Variants in PDS5A observed in about 807,000 individuals in gnomAD.
PDS5A encodes PDS5 cohesin associated factor A.
Under a neutral mutation model 167.1 loss-of-function variants are expected in PDS5A, and 42 were observed. That is an observed-to-expected ratio of 0.25 (90% CI 0.20 to 0.33). The LOEUF is 0.33. Ranked by LOEUF, PDS5A falls within the 10% of genes least tolerant of loss-of-function variation. The pLI, the probability that PDS5A is intolerant of heterozygous loss-of-function variation, is 1.00. For missense variants in PDS5A, 1,033 were observed against 1,605.9 expected (o/e 0.64, Z 6.10); for synonymous variants, 553 against 554.6 (o/e 1.00, Z 0.04).
chr4:39,893,703 T>C (rs1394247330), intron 16 of PDS5A, among the ~76,000 whole-genome samples: 3 of 152,230 alleles, frequency 2.0e-5, no homozygotes, highest in Non-Finnish European at 4.4e-5. Context: ...ATAAAGGTAC[T>C]CTAGCAGAGG....
Position 39,873,091 on chromosome 4 carries a change from TA to T in PDS5A, c.2330del (p.Leu777Ter). 1 of 1,545,178 alleles carries T rather than the reference TA, an allele frequency of 6.5e-7. No homozygotes were observed. Among genetic ancestry groups the T allele is most frequent in the Non-Finnish European group, 8.8e-7 (1 of 1,133,042 alleles). On this transcript the variant is annotated frameshift_variant, in exon 21 of 33. Transcript: ENST00000303538. LOFTEE classifies it high-confidence loss of function. ...ACATAGAAATGTGGCCCAATGAAAC[TA>T]ATGGAGTTATAAGTTGTTCTGGCAC... ...ADVPEQLITP[L>X]VSLGHISMLA...
In PDS5A at chr4:39,917,038, T is replaced by C. The variant is rs761888658; in HGVS notation, c.876+10A>G. 9.6e-5 allele frequency: 135 copies of C among 1,411,676 alleles called. No individual in the cohort carries two copies. Among genetic ancestry groups the C allele is most frequent in the Non-Finnish European group, 1.2e-4 (133 of 1,077,238 alleles). The allele number at this position is 1,411,676 out of a possible 1,614,324, so 87.4% of individuals were successfully genotyped here. A position where few individuals can be genotyped will look rare whatever the true frequency, so the allele number is the denominator to read the frequency against. ...ATTAAAAAAAAAAAAAGAAAACTGGTCAATCTTACCTTTAGTTTGAATTCA... is the reference window on the plus strand; with the variant it reads ...ATTAAAAAAAAAAAAAGAAAACTGGCCAATCTTACCTTTAGTTTGAATTCA... On this transcript the variant is annotated intron_variant, in intron 8 of 32. Coordinates refer to ENST00000303538, the MANE Select transcript of PDS5A (RefSeq NM_001100399.2).
At chr4:39,883,012 T>A (rs956746574) in intron 17 of PDS5A, among the ~76,000 whole-genome samples, 18 of 152,166 alleles carry the variant, frequency 1.2e-4, no homozygotes, top group South Asian at 4.1e-4. Context: ...AAAACTCTTC[T>A]AATTTTCCAT....
At chr4:39,844,882 AAGAG>A (rs1717451412) in intron 29 of PDS5A, 81 bp from the exon 30 acceptor site, 1 of 1,403,498 alleles carries the variant, frequency 7.1e-7, no homozygotes, top group Non-Finnish European at 9.5e-7. Context: ...AGACACAAGT[AAGAG>A]ATATTGTTAA....
At position 39,825,449 on chromosome 4, in the gene PDS5A, GT is replaced by G. The variant is rs1291571290; in HGVS notation, c.*35del. On this transcript the variant is annotated 3_prime_UTR_variant, in exon 33 of 33. Transcript: ENST00000303538. ...TTTGCAGAAGCTGGAGCCTGCTTCT[GT>G]TTGGCCTTCATTTTCTCCCTTTGCA... 6.4e-7 allele frequency: 1 copy of G among 1,566,172 alleles called. No homozygotes were observed. Among genetic ancestry groups the G allele is most frequent in the Admixed American group, 1.8e-5 (1 of 54,632 alleles).
At chr4:39,888,727 T>G (rs1721710501) in intron 17 of PDS5A, among the ~76,000 whole-genome samples, 1 of 151,756 alleles carries the variant, frequency 6.6e-6, no homozygotes, top group Non-Finnish European at 1.5e-5. Flanking sequence ...GCAGTCATAT[T>G]TGAGAGCTAA....
chr4:39,860,455 ACACT>A (rs1222627023), intron 26 of PDS5A, among the ~76,000 whole-genome samples: 1 of 151,820 alleles, frequency 6.6e-6, no homozygotes, highest in Non-Finnish European at 1.5e-5. Flanking sequence ...ACAGAGTAAG[ACACT>A]TGTCTCAAAA....
intron 5 of PDS5A, among the ~76,000 whole-genome samples, chr4:39,923,347 G>GA (rs201112371): frequency 0.014 from 1,537 of 110,952 alleles, 30 homozygotes; most frequent in African/African-American, 0.047. Context: ...AAAAAAAAAA[G>GA]AAAAAAAAAA....
At chr4:39,852,807 T>C (rs1013265878) in intron 26 of PDS5A, among the ~76,000 whole-genome samples, 5 of 152,208 alleles carry the variant, frequency 3.3e-5, no homozygotes, top group African/African-American at 1.2e-4. Flanking sequence ...TGGATGACAT[T>C]TTTCCTTGAC....
At chr4:39,927,857 T>C (rs1725604387) in intron 3 of PDS5A, 104 bp downstream of exon 3, 1 of 755,474 alleles carries the variant, frequency 1.3e-6, no homozygotes, top group Non-Finnish European at 2.1e-6. Context: ...ATGAAGAGAC[T>C]AATATGAAAC....
At chr4:39,898,090 C>G in intron 16 of PDS5A, 1 of 1,092,810 alleles carries the variant, frequency 9.2e-7, no homozygotes, top group Non-Finnish European at 1.1e-6. Flanking sequence ...CACATGTACA[C>G]AAGCATTCAG....
intron 32 of PDS5A, among the ~76,000 whole-genome samples, chr4:39,836,615 A>AT (rs71645192): frequency 0.23 from 23,979 of 106,070 alleles, 2,681 homozygotes; most frequent in Admixed American, 0.25. Flanking sequence ...ATTTTTTTCT[A>AT]TTTTTTTTTT....
At chr4:39,898,178 C>T (rs115313226) in intron 16 of PDS5A, 41,737 of 1,247,938 alleles carry the variant, frequency 0.033, 784 homozygotes, top group Non-Finnish European at 0.037. Context: ...GACCAATCTC[C>T]CTGGCTTAGT....
chr4:39,935,154 C>A (rs142596793), intron 2 of PDS5A, among the ~76,000 whole-genome samples: 61 of 152,316 alleles, frequency 4.0e-4, no homozygotes, highest in African/African-American at 1.4e-3. Context: ...CTGATTGGGA[C>A]GGAGTCTCAC....
intron 2 of PDS5A, among the ~76,000 whole-genome samples, chr4:39,956,169 C>A (rs1728907442): frequency 6.6e-6 from 1 of 150,556 alleles, no homozygotes; most frequent in Non-Finnish European, 1.5e-5. Flanking sequence ...ACGTATAGAA[C>A]AATTGAGATA....
intron 12 of PDS5A, 134 bp from the exon 13 acceptor site, chr4:39,902,594 C>G (rs1388525942): frequency 2.0e-6 from 1 of 510,812 alleles, no homozygotes; most frequent in East Asian, 3.3e-5. Flanking sequence ...GCAAACTCGG[C>G]TCAATGCAAC....
At chr4:39,877,195 T>A (rs2109583817) in intron 18 of PDS5A, 42 bp from the exon 19 acceptor site, 1 of 1,285,858 alleles carries the variant, frequency 7.8e-7, no homozygotes, top group East Asian at 2.6e-5. Context: ...GACAATGGTT[T>A]TAATCCATTA....
chr4:39,913,355 A>G (rs1338305163), intron 9 of PDS5A, among the ~76,000 whole-genome samples: 1 of 152,186 alleles, frequency 6.6e-6, no homozygotes, highest in Non-Finnish European at 1.5e-5. Flanking sequence ...CTGGGATTAC[A>G]GGCATGAGCC....
chr4:39,959,313 AT>A (rs1729262695), intron 2 of PDS5A, among the ~76,000 whole-genome samples: 1 of 152,118 alleles, frequency 6.6e-6, no homozygotes, highest in Non-Finnish European at 1.5e-5. Context: ...AAATTTTTTT[AT>A]TTTATACCCT....
Sources: gnomAD v4.1 joint callset for allele counts (sites outside exome capture counted in the v4.1 genomes callset) on GRCh38, gnomAD v4.1.1 for gene constraint, MANE v1.5 for transcripts, NCBI Gene and HGNC (gene_info 2026-07-23, HGNC 2026-07-21) for gene names.